RGS7: variants seen among roughly 807,000 people sequenced by gnomAD.
The protein encoded by RGS7 is regulator of G protein signaling 7.
A neutral mutation model predicts 81.1 loss-of-function variants in RGS7; 27 were observed. That is an observed-to-expected ratio of 0.33 (90% CI 0.25 to 0.46). The LOEUF is 0.46. Ranked by LOEUF, RGS7 falls within the 20% of genes least tolerant of loss-of-function variation. RGS7 has a pLI of 1.00. For synonymous variants in RGS7, 208 were observed against 207.7 expected, an observed-to-expected ratio of 1.00 and a Z score of -0.01; for missense variants, 396 against 607.4, an observed-to-expected ratio of 0.65 and a Z score of 3.66.
intron 6 of RGS7, among the ~76,000 whole-genome samples, chr1:240,876,898 T>C (rs1257385832): frequency 2.6e-5 from 4 of 152,068 alleles, no homozygotes; most frequent in Non-Finnish European, 2.9e-5. Context: ...GAGGCAGAGG[T>C]TGCAGTGAGC....
chr1:240,801,316 G>T, intron 17 of RGS7, 139 bp downstream of exon 17: 1 of 681,196 alleles, frequency 1.5e-6, no homozygotes, highest in East Asian at 2.7e-5. Flanking sequence ...CAGAAAACAT[G>T]AAGTTCTGAA....
chr1:241,289,682 T>C (rs2078993796), intron 2 of RGS7, among the ~76,000 whole-genome samples: 1 of 152,148 alleles, frequency 6.6e-6, no homozygotes, highest in African/African-American at 2.4e-5. Context: ...AGAAAGCACA[T>C]GAGTTCCTGA....
intron 3 of RGS7, among the ~76,000 whole-genome samples, chr1:240,996,239 C>G (rs1299901592): frequency 1.3e-5 from 2 of 152,074 alleles, no homozygotes; most frequent in Admixed American, 6.6e-5. Flanking sequence ...TTCATGGGAA[C>G]TTGAGACCAT....
At chr1:240,830,104 C>T (rs1693577249) in intron 9 of RGS7, among the ~76,000 whole-genome samples, 1 of 152,198 alleles carries the variant, frequency 6.6e-6, no homozygotes, top group African/African-American at 2.4e-5. Flanking sequence ...AGAAGCCCCA[C>T]ATGCAATCCG....
intron 6 of RGS7, among the ~76,000 whole-genome samples, chr1:240,897,012 T>C (rs1162448377): frequency 1.3e-5 from 2 of 152,198 alleles, no homozygotes; most frequent in East Asian, 3.8e-4. Context: ...CCCTTGTAAG[T>C]TGGACTCCTA....
At chr1:241,093,231 G>A (rs1298356519) in intron 3 of RGS7, among the ~76,000 whole-genome samples, 1 of 151,930 alleles carries the variant, frequency 6.6e-6, no homozygotes, top group Non-Finnish European at 1.5e-5. Flanking sequence ...ACTTCTTAAA[G>A]GTTTTTTTTT....
rs547530838 is a variant in RGS7, at chr1:241,158,057, G to A, written c.79-59295C>T. 1.1e-3 allele frequency among the ~76,000 whole-genome samples: 173 copies of A among 151,510 alleles called. 2 individuals carry two copies. Among genetic ancestry groups the A allele is most frequent in the African/African-American group, 4.1e-3 (168 of 41,294 alleles). On this transcript the variant is annotated intron_variant, in intron 2 of 18. Coordinates refer to ENST00000440928, the MANE Select transcript of RGS7 (RefSeq NM_001364886.1). ...GGATGGTCTCATCTCCTGACCTTAT[G>A]ATCCGCCCGCCTCAGTCTCCCAAAG... is the stretch of plus-strand genomic sequence containing the variant.
intron 2 of RGS7, among the ~76,000 whole-genome samples, chr1:241,229,746 T>C (rs1403588175): frequency 6.6e-6 from 1 of 152,190 alleles, no homozygotes; most frequent in Non-Finnish European, 1.5e-5. Flanking sequence ...GGCCACACCG[T>C]CAGGGGAGAG....
At chr1:240,835,882 C>T (rs570342129) in intron 9 of RGS7, among the ~76,000 whole-genome samples, 5 of 152,200 alleles carry the variant, frequency 3.3e-5, no homozygotes, top group Admixed American at 6.5e-5. Context: ...CTGGAAAAGG[C>T]GAAACGATGG....
At chr1:241,278,403 T>C (rs2078311045) in intron 2 of RGS7, among the ~76,000 whole-genome samples, 1 of 152,232 alleles carries the variant, frequency 6.6e-6, no homozygotes, top group Non-Finnish European at 1.5e-5. Flanking sequence ...CTACATTACT[T>C]CCCTGCAGGA....
intron 2 of RGS7, among the ~76,000 whole-genome samples, chr1:241,174,153 T>C (rs2070937231): frequency 6.6e-6 from 1 of 152,232 alleles, no homozygotes; most frequent in South Asian, 2.1e-4. Flanking sequence ...CAACAGCTCT[T>C]TTTCATGAAT....
At chr1:241,250,466 AT>A (rs112899877) in intron 2 of RGS7, among the ~76,000 whole-genome samples, 235 of 146,044 alleles carry the variant, frequency 1.6e-3, no homozygotes, top group Middle Eastern at 0.011. Flanking sequence ...ATATTGTGGG[AT>A]TTTTTTTTTT....
intron 9 of RGS7, among the ~76,000 whole-genome samples, chr1:240,828,941 G>C (rs1369001778): frequency 2.0e-5 from 3 of 152,144 alleles, no homozygotes; most frequent in African/African-American, 7.2e-5. Context: ...CGTGGAGTTG[G>C]GGTGGGGTTG....
Position 240,994,543 on chromosome 1 carries a change from T to G in RGS7, c.176-11414A>C, listed in dbSNP as rs184111692. Among the ~76,000 whole-genome samples, 22 of 152,256 alleles carry G rather than the reference T, an allele frequency of 1.4e-4. No homozygotes were observed. The East Asian group carries it at 4.2e-3, about 29-fold the overall frequency. Reference sequence around the variant, plus strand: ...TATCCTGTAATCTTTCTGGACTCGATTCTTAGTTCTAGAAGGTTTTTTTGC... The same window carrying G: ...TATCCTGTAATCTTTCTGGACTCGAGTCTTAGTTCTAGAAGGTTTTTTTGC... On this transcript the variant is annotated intron_variant, in intron 3 of 18. Transcript: ENST00000440928.
At chr1:240,982,808 A>G (rs1685119268) in intron 4 of RGS7, among the ~76,000 whole-genome samples, 1 of 152,232 alleles carries the variant, frequency 6.6e-6, no homozygotes. Flanking sequence ...ATGGACATGT[A>G]TACAGCTGAT....
chr1:241,086,675 G>C (rs2063470396), intron 3 of RGS7, among the ~76,000 whole-genome samples: 1 of 151,480 alleles, frequency 6.6e-6, no homozygotes, highest in African/African-American at 2.4e-5. Flanking sequence ...CTATTTCCCT[G>C]CTCAAAATTT....
intron 2 of RGS7, among the ~76,000 whole-genome samples, chr1:241,323,705 G>C (rs904338530): frequency 6.6e-6 from 1 of 152,182 alleles, no homozygotes; most frequent in African/African-American, 2.4e-5. Context: ...GAACAGACGC[G>C]AGAGCTGTCC....
chr1:241,196,725 T>A (rs981448394), intron 2 of RGS7, among the ~76,000 whole-genome samples: 1 of 152,090 alleles, frequency 6.6e-6, no homozygotes, highest in African/African-American at 2.4e-5. Context: ...TACTAAAGTC[T>A]TATGGATTCT....
intron 2 of RGS7, among the ~76,000 whole-genome samples, chr1:241,202,206 C>T (rs1286693640): frequency 6.6e-6 from 1 of 152,162 alleles, no homozygotes; most frequent in Non-Finnish European, 1.5e-5. Flanking sequence ...CTCTGTGGAA[C>T]TTGCAAACAC....
Sources: allele counts gnomAD v4.1 joint callset (sites outside exome capture counted in the v4.1 genomes callset), GRCh38; gene constraint gnomAD v4.1.1; transcripts MANE v1.5; gene names NCBI Gene and HGNC (gene_info 2026-07-23, HGNC 2026-07-21).